SLC35F3: variants seen among roughly 807,000 people sequenced by gnomAD.
The protein encoded by SLC35F3 is putative thiamine transporter SLC35F3.
In SLC35F3, 25 loss-of-function variants were observed where a neutral mutation model predicts 49.9. The ratio of observed to expected loss-of-function variants is 0.50; its 90% CI spans 0.37 to 0.70. SLC35F3 has a LOEUF of 0.70. Ranked by LOEUF, SLC35F3 falls within the 30% of genes least tolerant of loss-of-function variation. The probability of loss-of-function intolerance (pLI) is 0.00; values close to 1 mark genes in which losing one functional copy is unlikely to be tolerated. For synonymous variants in SLC35F3, 275 were observed against 265.4 expected, an observed-to-expected ratio of 1.04 and a Z score of -0.35; for missense variants, 525 against 639.8, an observed-to-expected ratio of 0.82 and a Z score of 1.94.
Position 234,281,553 on chromosome 1 carries a change from T to G in SLC35F3, c.609-27548T>G, listed in dbSNP as rs535520193. On this transcript the variant is annotated intron_variant, in intron 3 of 7. Coordinates refer to ENST00000366618, the MANE Select transcript of SLC35F3 (RefSeq NM_173508.4). Reference sequence around the variant, plus strand: ...TTGGAAACAGTGATGTAAGAAGATGTTAAAACAGACTTTTCAAAACATCTC... The same window carrying G: ...TTGGAAACAGTGATGTAAGAAGATGGTAAAACAGACTTTTCAAAACATCTC... 1.1e-3 allele frequency among the ~76,000 whole-genome samples: 175 copies of G among 152,268 alleles called. 1 individual carries two copies. The highest frequency in any genetic ancestry group is 4.0e-3 in the African/African-American group (166 of 41,540).
At chr1:234,206,031 G>GT (rs1666964733) in intron 2 of SLC35F3, among the ~76,000 whole-genome samples, 1 of 152,138 alleles carries the variant, frequency 6.6e-6, no homozygotes, top group South Asian at 2.1e-4. Context: ...GGACTTGCTG[G>GT]TGAGGATGTT....
chr1:234,045,385 T>C (rs1199634164), intron 2 of SLC35F3, among the ~76,000 whole-genome samples: 1 of 152,200 alleles, frequency 6.6e-6, no homozygotes, highest in African/African-American at 2.4e-5. Flanking sequence ...GCTTGCTATA[T>C]GAAAGCTATG....
intron 2 of SLC35F3, among the ~76,000 whole-genome samples, chr1:233,949,826 G>T (rs1662575026): frequency 6.6e-6 from 1 of 152,140 alleles, no homozygotes; most frequent in African/African-American, 2.4e-5. Flanking sequence ...TAATGCTCTT[G>T]GTGGGGCAGC....
intron 2 of SLC35F3, among the ~76,000 whole-genome samples, chr1:233,956,191 C>A (rs995201834): frequency 2.6e-5 from 4 of 152,068 alleles, no homozygotes; most frequent in Non-Finnish European, 4.4e-5. Context: ...CCCAGCCCTG[C>A]AAACTATTAA....
intron 2 of SLC35F3, among the ~76,000 whole-genome samples, chr1:234,016,959 G>C (rs1663810078): frequency 6.6e-6 from 1 of 152,132 alleles, no homozygotes; most frequent in Admixed American, 6.5e-5. Context: ...TTGAATTCTT[G>C]TCCCAAACAG....
intron 2 of SLC35F3, among the ~76,000 whole-genome samples, chr1:234,187,752 C>T (rs1273970109): frequency 1.3e-5 from 2 of 152,232 alleles, no homozygotes; most frequent in African/African-American, 4.8e-5. Context: ...GCCCTGCAGT[C>T]TCTCTGGGTC....
intron 2 of SLC35F3, among the ~76,000 whole-genome samples, chr1:234,066,710 T>G (rs1036487582): frequency 1.3e-5 from 2 of 151,174 alleles, no homozygotes; most frequent in Non-Finnish European, 3.0e-5. Flanking sequence ...TCTCTCTCTG[T>G]CTCTCTCTCT....
intron 2 of SLC35F3, among the ~76,000 whole-genome samples, chr1:234,179,439 T>A (rs965610544): frequency 1.3e-5 from 2 of 152,192 alleles, no homozygotes; most frequent in African/African-American, 4.8e-5. Context: ...AGTAATTGTA[T>A]GTATTCGTGA....
chr1:233,981,061 TACAGAAAGA>T (rs1663174233), intron 2 of SLC35F3, among the ~76,000 whole-genome samples: 1 of 152,214 alleles, frequency 6.6e-6, no homozygotes, highest in Non-Finnish European at 1.5e-5. Context: ...GATGGAAAGA[TACAGAAAGA>T]ACAGAAAGAG....
In SLC35F3 at chr1:234,214,525, C is replaced by T. The variant is rs1391629033; in HGVS notation, c.284-16892C>T. The T allele has an allele frequency of 1.9e-6, 3 of 1,555,058 alleles. No individual in the cohort carries two copies. Among genetic ancestry groups the T allele is most frequent in the Non-Finnish European group, 2.6e-6 (3 of 1,152,934 alleles). On this transcript the variant is annotated intron_variant, in intron 2 of 7. Coordinates refer to ENST00000366618, the MANE Select transcript of SLC35F3 (RefSeq NM_173508.4). The surrounding 1 kb of genome is among the most constrained non-coding windows in gnomAD (Gnocchi z 8.0). Reference sequence around the variant, plus strand: ...TGAAGAAGCACTCGGCCCGGGTGGCCCCGCTCAGCGCCTGCAACAGTCCGG... The same window carrying T: ...TGAAGAAGCACTCGGCCCGGGTGGCTCCGCTCAGCGCCTGCAACAGTCCGG...
chr1:234,197,147 G>C (rs1184234857), intron 2 of SLC35F3, among the ~76,000 whole-genome samples: 1 of 152,172 alleles, frequency 6.6e-6, no homozygotes, highest in African/African-American at 2.4e-5. Context: ...ATAAGGGGAA[G>C]TTGATCCATG....
At chr1:234,148,312 A>G (rs552905172) in intron 2 of SLC35F3, among the ~76,000 whole-genome samples, 6 of 152,236 alleles carry the variant, frequency 3.9e-5, no homozygotes, top group African/African-American at 1.4e-4. Flanking sequence ...CTTTTCAGCC[A>G]TTTCTCACTG....
intron 2 of SLC35F3, among the ~76,000 whole-genome samples, chr1:233,953,547 T>G (rs933519522): frequency 1.3e-5 from 2 of 152,210 alleles, no homozygotes; most frequent in Non-Finnish European, 2.9e-5. Context: ...CGGTGATCTT[T>G]GTCAACTCTC....
chr1:234,293,655 AAGAG>A (rs4027084), intron 3 of SLC35F3, among the ~76,000 whole-genome samples: 44,622 of 151,796 alleles, frequency 0.29, 6,877 homozygotes, highest in East Asian at 0.54. Context: ...GGAAGAGAGA[AAGAG>A]AGACAGACAT....
chr1:234,157,875 G>A (rs1475161289), intron 2 of SLC35F3, among the ~76,000 whole-genome samples: 1 of 152,168 alleles, frequency 6.6e-6, no homozygotes. Context: ...TATTTCAGGA[G>A]GCATGTTGTT....
At chr1:234,299,689 C>T (rs890087714) in intron 3 of SLC35F3, among the ~76,000 whole-genome samples, 4 of 151,566 alleles carry the variant, frequency 2.6e-5, no homozygotes, top group African/African-American at 9.7e-5. Flanking sequence ...CCTGTAGTCC[C>T]ACCAACTCTG....
At chr1:233,947,623 A>C (rs1012960951) in intron 2 of SLC35F3, among the ~76,000 whole-genome samples, 1 of 150,702 alleles carries the variant, frequency 6.6e-6, no homozygotes, top group Admixed American at 6.6e-5. Context: ...ATTATCTAAA[A>C]AACAGGGCTG....
intron 2 of SLC35F3, among the ~76,000 whole-genome samples, chr1:233,916,768 T>C (rs934038131): frequency 6.6e-6 from 1 of 152,180 alleles, no homozygotes; most frequent in African/African-American, 2.4e-5. Flanking sequence ...AGGAATATTT[T>C]TCAGCAGGAC....
At chr1:234,010,476 T>C (rs1663697756) in intron 2 of SLC35F3, among the ~76,000 whole-genome samples, 1 of 152,114 alleles carries the variant, frequency 6.6e-6, no homozygotes, top group African/African-American at 2.4e-5. Flanking sequence ...CAAATGACAG[T>C]AACAAGTCCT....
Sources: allele counts gnomAD v4.1 joint callset (sites outside exome capture counted in the v4.1 genomes callset), GRCh38; gene constraint gnomAD v4.1.1; non-coding constraint Gnocchi (gnomAD v3.1); transcripts MANE v1.5; gene names NCBI Gene and HGNC (gene_info 2026-07-23, HGNC 2026-07-21).